SLC14A2: variants seen among roughly 807,000 people sequenced by gnomAD.
The protein encoded by SLC14A2 is solute carrier family 14 member 2.
In SLC14A2, 91 loss-of-function variants were observed where a neutral mutation model predicts 104.6. The observed-to-expected ratio is 0.87, with a 90% CI of 0.73 to 1.04. The LOEUF (loss-of-function observed/expected upper bound fraction) is 1.04. Among genes scored for constraint, SLC14A2 ranks in the 50% least tolerant of loss-of-function variants. The probability of loss-of-function intolerance (pLI) is 0.00; values close to 1 mark genes in which losing one functional copy is unlikely to be tolerated. For missense variants in SLC14A2, 1,189 were observed against 1,156.0 expected (o/e 1.03, Z -0.41); for synonymous variants, 476 against 466.4 (o/e 1.02, Z -0.27).
chr18:45,188,928 C>A, the SLC14A2 span, among the ~76,000 whole-genome samples: 4 of 152,186 alleles, frequency 2.6e-5, no homozygotes. Flanking sequence ...CCCAGAACAT[C>A]TGAAAGTGGG....
Position 45,279,746 on chromosome 18 carries a change from AC to A in SLC14A2, c.-125+66558del, listed in dbSNP as rs559479282. ...GAGGCTTTAGACACAGCCTCTGCCT[AC>A]CCTTAAGAAACTTACAACCATCCAA... is the stretch of plus-strand genomic sequence containing the variant. On this transcript the variant is annotated intron_variant, in intron 1 of 20. Coordinates refer to the SLC14A2 transcript ENST00000586448. 5.0e-3 allele frequency among the ~76,000 whole-genome samples: 765 copies of A among 152,302 alleles called. 8 individuals are homozygous for A. The highest frequency in any genetic ancestry group is 0.017 in the African/African-American group (726 of 41,564).
At chr18:45,171,679 C>G in the SLC14A2 span, among the ~76,000 whole-genome samples, 1 of 152,148 alleles carries the variant, frequency 6.6e-6, no homozygotes, top group Non-Finnish European at 1.5e-5. Context: ...GAACTCTGAT[C>G]TAATTCTCAG....
At chr18:45,297,390 G>A (rs973307787) in intron 1 of SLC14A2, among the ~76,000 whole-genome samples, 10 of 152,204 alleles carry the variant, frequency 6.6e-5, no homozygotes, top group African/African-American at 1.4e-4. Flanking sequence ...AGCATCCTTC[G>A]ACAGGATTCT....
At chr18:45,354,312 C>T (rs1338628340) in intron 1 of SLC14A2, among the ~76,000 whole-genome samples, 1 of 152,202 alleles carries the variant, frequency 6.6e-6, no homozygotes, top group Non-Finnish European at 1.5e-5. Context: ...AGCTCCTAGA[C>T]ACTGGGAGGA....
the SLC14A2 span, among the ~76,000 whole-genome samples, chr18:45,207,521 G>A: frequency 6.6e-6 from 1 of 152,142 alleles, no homozygotes; most frequent in Non-Finnish European, 1.5e-5. Flanking sequence ...GTGCATATGG[G>A]TGTGTGGCAT....
At chr18:45,366,401 A>T (rs1370401373) in intron 1 of SLC14A2, among the ~76,000 whole-genome samples, 1 of 152,154 alleles carries the variant, frequency 6.6e-6, no homozygotes, top group East Asian at 1.9e-4. Context: ...AAGGCATGTG[A>T]CAATCAGAGA....
At chr18:45,552,154 G>A (rs759685685) in intron 2 of SLC14A2, among the ~76,000 whole-genome samples, 20 of 152,258 alleles carry the variant, frequency 1.3e-4, no homozygotes, top group East Asian at 1.2e-3. Flanking sequence ...CTTCCTTGGC[G>A]TTGAAAGATA....
At chr18:45,389,589 A>T (rs1487525810) in intron 1 of SLC14A2, among the ~76,000 whole-genome samples, 1 of 152,214 alleles carries the variant, frequency 6.6e-6, no homozygotes, top group Non-Finnish European at 1.5e-5. Flanking sequence ...AAAGTGTGAC[A>T]TTTTAGGAAT....
At chr18:45,297,108 T>C (rs1341443513) in intron 1 of SLC14A2, among the ~76,000 whole-genome samples, 1 of 152,178 alleles carries the variant, frequency 6.6e-6, no homozygotes, top group Non-Finnish European at 1.5e-5. Flanking sequence ...AGCTGTATCA[T>C]TGGCAAATGA....
At chr18:45,211,539 CCTCTT>C (rs1357624990), upstream of SLC14A2, among the ~76,000 whole-genome samples, 2 of 151,688 alleles carry the variant, frequency 1.3e-5, no homozygotes, top group African/African-American at 2.4e-5. Context: ...ACCATTCTAC[CCTCTT>C]CTCTTCTTTC....
chr18:45,614,284 C>T (rs368549232), upstream of SLC14A2, among the ~76,000 whole-genome samples: 1 of 152,198 alleles, frequency 6.6e-6, no homozygotes, highest in Non-Finnish European at 1.5e-5. Flanking sequence ...TATGAAACGC[C>T]AGGATGTCCA....
chr18:45,216,392 G>A (rs537541264), intron 1 of SLC14A2, among the ~76,000 whole-genome samples: 1 of 152,188 alleles, frequency 6.6e-6, no homozygotes, highest in East Asian at 1.9e-4. Context: ...GGCCAACAGA[G>A]TGAGGCTGGT....
intron 9 of SLC14A2, 41 bp downstream of exon 9, chr18:45,643,222 T>C (rs748141855): frequency 1.2e-5 from 19 of 1,565,230 alleles, no homozygotes; most frequent in Non-Finnish European, 1.7e-5. Context: ...AAAGTGCTCT[T>C]CCCAGAGCTT....
intron 2 of SLC14A2, among the ~76,000 whole-genome samples, chr18:45,490,099 A>G (rs185492567): frequency 2.2e-4 from 34 of 152,314 alleles, no homozygotes; most frequent in South Asian, 1.2e-3. Context: ...ATGAGGTAGG[A>G]GGGAAGCATT....
upstream of SLC14A2, among the ~76,000 whole-genome samples, chr18:45,208,549 G>A (rs567699274): frequency 2.6e-5 from 4 of 152,312 alleles, no homozygotes; most frequent in Middle Eastern, 3.4e-3. Context: ...AAGGAGAGAC[G>A]TTAAAGGCAG....
intron 2 of SLC14A2, among the ~76,000 whole-genome samples, chr18:45,503,438 C>A (rs1488177158): frequency 6.6e-6 from 1 of 152,204 alleles, no homozygotes; most frequent in African/African-American, 2.4e-5. Flanking sequence ...ATCACACCAA[C>A]GTGACTAACT....
At chr18:45,361,418 C>T (rs1299779176) in intron 1 of SLC14A2, among the ~76,000 whole-genome samples, 1 of 152,130 alleles carries the variant, frequency 6.6e-6, no homozygotes, top group Non-Finnish European at 1.5e-5. Context: ...TTTGGTCCTA[C>T]CCAGCTCCCA....
chr18:45,667,802 T>C (rs762263532), intron 13 of SLC14A2, 31 bp from the exon 14 acceptor site: 3 of 1,598,972 alleles, frequency 1.9e-6, no homozygotes, highest in African/African-American at 2.7e-5. Context: ...CACTGAGCAC[T>C]TGCCTACTTC....
chr18:45,539,266 T>C (rs1469169979), intron 2 of SLC14A2, among the ~76,000 whole-genome samples: 1 of 151,938 alleles, frequency 6.6e-6, no homozygotes, highest in Non-Finnish European at 1.5e-5. Flanking sequence ...AAAGGATTAT[T>C]GTACTTGTGA....
Sources: allele counts gnomAD v4.1 joint callset (sites outside exome capture counted in the v4.1 genomes callset), GRCh38; gene constraint gnomAD v4.1.1; transcripts MANE v1.5; gene names NCBI Gene and HGNC (gene_info 2026-07-23, HGNC 2026-07-21).